The following SIPA1L1 variants were observed in gnomAD, a reference collection of about 807,000 sequenced individuals.
SIPA1L1 encodes the protein signal induced proliferation associated 1 like 1.
A neutral mutation model predicts 162.7 loss-of-function variants in SIPA1L1; 26 were observed. That is an observed-to-expected ratio of 0.16 (90% CI 0.12 to 0.22). The LOEUF is 0.22. Ranked by LOEUF, SIPA1L1 falls within the 10% of genes least tolerant of loss-of-function variation. The pLI is 1.00. For synonymous variants in SIPA1L1, 829 were observed against 837.4 expected, an observed-to-expected ratio of 0.99 and a Z score of 0.17; for missense variants, 1,874 against 2,241.0, an observed-to-expected ratio of 0.84 and a Z score of 3.31.
chr14:71,626,516 G>A lies in SIPA1L1; in HGVS notation c.1818+2280G>A, dbSNP rs146427740. Among the ~76,000 whole-genome samples, 436 of 152,214 alleles carry A rather than the reference G, an allele frequency of 2.9e-3. 4 individuals carry two copies. The Middle Eastern group carries it at 0.048, about 17-fold the overall frequency. ...GGTAGGAAATCTCATTAATGCCTTGGAATTATTTTGAGAAACTGATTATTT... is the reference window on the plus strand; with the variant it reads ...GGTAGGAAATCTCATTAATGCCTTGAAATTATTTTGAGAAACTGATTATTT... On this transcript the variant is annotated intron_variant, in intron 7 of 23. Transcript: ENST00000381232.
intron 2 of SIPA1L1, among the ~76,000 whole-genome samples, chr14:71,468,886 G>C (rs565352744): frequency 6.6e-6 from 1 of 152,092 alleles, no homozygotes; most frequent in Non-Finnish European, 1.5e-5. Context: ...TATGTTCTTT[G>C]TTCTCTTGTA....
rs1286982044 is a variant in SIPA1L1, at chr14:71,739,808, G to A, written c.*647G>A. The A allele has an allele frequency of 6.6e-6, 1 of 152,226 alleles. No homozygotes were observed. The highest frequency in any genetic ancestry group is 2.4e-5 in the African/African-American group (1 of 41,432). The allele number at this position is 152,226 out of a possible 1,614,324, so 9.4% of individuals were successfully genotyped here. On this transcript the variant is annotated 3_prime_UTR_variant, in exon 24 of 24. Coordinates refer to ENST00000381232, the MANE Select transcript of SIPA1L1 (RefSeq NM_001386936.1). ...CAGAGCAGCTCTGACAGTGCCTGCA[G>A]GCCACACCCCTTCTCAGTCCTGCAT...
At chr14:71,407,790 G>A (rs191773774) in intron 2 of SIPA1L1, among the ~76,000 whole-genome samples, 291 of 152,254 alleles carry the variant, frequency 1.9e-3, no homozygotes, top group African/African-American at 6.6e-3. Flanking sequence ...TTTGGTGTAT[G>A]GCCTTGTTTC....
At chr14:71,564,732 G>A (rs139904424) in intron 4 of SIPA1L1, among the ~76,000 whole-genome samples, 31 of 151,934 alleles carry the variant, frequency 2.0e-4, no homozygotes, top group African/African-American at 7.0e-4. Context: ...CTTGTGATCC[G>A]CCCGCCTTGG....
chr14:71,427,687 A>T (rs542106564), intron 2 of SIPA1L1, among the ~76,000 whole-genome samples: 10 of 151,786 alleles, frequency 6.6e-5, no homozygotes, highest in Non-Finnish European at 1.2e-4. Flanking sequence ...TGCATCCTCA[A>T]ATCTGCCTTT....
At chr14:71,738,161 T>TAAAAAAAAA (rs34549978) in intron 22 of SIPA1L1, 80 bp from the exon 23 acceptor site, 9 of 368,954 alleles carry the variant, frequency 2.4e-5, no homozygotes, top group African/African-American at 1.1e-4. Context: ...CTCCTCAGAG[T>TAAAAAAAAA]AAAAAAAAAA....
At chr14:71,729,562 T>G (rs1357938168) in intron 19 of SIPA1L1, among the ~76,000 whole-genome samples, 1 of 152,182 alleles carries the variant, frequency 6.6e-6, no homozygotes, top group Non-Finnish European at 1.5e-5. Flanking sequence ...GCACTGTGGC[T>G]CTCTCTTCCC....
In SIPA1L1 at chr14:71,672,493, G is replaced by C. The variant is rs1195259835; in HGVS notation, c.2975G>C (p.Ser992Thr). The C allele has an allele frequency of 1.2e-6, 2 of 1,614,124 alleles. No homozygotes were observed. Among genetic ancestry groups the C allele is most frequent in the African/African-American group, 2.7e-5 (2 of 74,952 alleles). The change falls in exon 12 of 24, where the codon AGT becomes ACT. Residue 992 changes from serine (S) to threonine (T), a missense_variant. Transcript: ENST00000381232. ...YAWQAGLRQG[S>T]RLVEICKVAV... ...TGGCAGGCAGGGCTGAGGCAGGGCA[G>C]TCGCCTGGTGGAGATCTGCAAGGTG...
At chr14:71,479,138 T>G (rs2048117739) in intron 2 of SIPA1L1, among the ~76,000 whole-genome samples, 1 of 152,158 alleles carries the variant, frequency 6.6e-6, no homozygotes, top group Non-Finnish European at 1.5e-5. Context: ...GGACGCTCAT[T>G]GCCAGTTTGG....
chr14:71,461,005 G>A (rs867360983), intron 2 of SIPA1L1, among the ~76,000 whole-genome samples: 3 of 152,216 alleles, frequency 2.0e-5, no homozygotes, highest in Admixed American at 6.5e-5. Flanking sequence ...TTTGTTAGCT[G>A]TAAAGTTAGT....
At chr14:71,331,760 A>G (rs1236637026) in intron 2 of SIPA1L1, among the ~76,000 whole-genome samples, 1 of 152,202 alleles carries the variant, frequency 6.6e-6, no homozygotes, top group East Asian at 1.9e-4. Flanking sequence ...GATTTCCTGT[A>G]TCTGCTTGTT....
At chr14:71,730,643 G>C (rs900282173) in intron 20 of SIPA1L1, among the ~76,000 whole-genome samples, 2 of 152,218 alleles carry the variant, frequency 1.3e-5, no homozygotes, top group African/African-American at 2.4e-5. Context: ...AGTTCTTAGA[G>C]AGTGGTATCC....
intron 7 of SIPA1L1, among the ~76,000 whole-genome samples, chr14:71,633,730 C>G (rs1488055894): frequency 6.6e-6 from 1 of 151,888 alleles, no homozygotes; most frequent in African/African-American, 2.4e-5. Context: ...ATGGAAGGGA[C>G]AGAGGAAAAA....
rs536093516 is a variant in SIPA1L1 at position 71,498,686 on chromosome 14, A to G, written c.-464-14057A>G. On this transcript the variant is annotated intron_variant, in intron 2 of 23. Transcript: ENST00000381232. ...CAGAATTATATGGATGCTGTTGAAC[A>G]ATCTTGAGTTTGGGTAGTTTTTGTT... Among the ~76,000 whole-genome samples, 9 of 152,294 alleles carry G rather than the reference A, an allele frequency of 5.9e-5. No individual in the cohort carries two copies. In the East Asian group the frequency reaches 1.3e-3, roughly 23 times the overall value.
chr14:71,432,995 T>C (rs773212604), intron 2 of SIPA1L1, among the ~76,000 whole-genome samples: 2 of 152,210 alleles, frequency 1.3e-5, no homozygotes, highest in Non-Finnish European at 2.9e-5. Context: ...TAAGATCTTT[T>C]GCTTAGAGTG....
intron 2 of SIPA1L1, among the ~76,000 whole-genome samples, chr14:71,393,255 A>G (rs2040909393): frequency 6.6e-6 from 1 of 152,254 alleles, no homozygotes; most frequent in Admixed American, 6.5e-5. Flanking sequence ...TCAATAAGAA[A>G]CACATCTTAG....
At chr14:71,502,255 A>AAAATATATATATATATATATAT (rs67020418) in intron 2 of SIPA1L1, among the ~76,000 whole-genome samples, 15 of 97,544 alleles carry the variant, frequency 1.5e-4, no homozygotes, top group African/African-American at 5.9e-4. Flanking sequence ...AAAAAAAAAA[A>AAAATATATATATATATATATAT]ATATATATAT....
At chr14:71,420,465 A>G (rs1211836535) in intron 2 of SIPA1L1, among the ~76,000 whole-genome samples, 2 of 152,236 alleles carry the variant, frequency 1.3e-5, no homozygotes, top group Non-Finnish European at 2.9e-5. Flanking sequence ...AACCAAAGCA[A>G]CTCATCTTTG....
chr14:71,584,185 G>T (rs958678906), intron 4 of SIPA1L1, among the ~76,000 whole-genome samples: 3 of 152,184 alleles, frequency 2.0e-5, no homozygotes, highest in Admixed American at 6.5e-5. Flanking sequence ...AAGAGAAAAT[G>T]AAGAAGCACA....
Sources: allele counts gnomAD v4.1 joint callset (sites outside exome capture counted in the v4.1 genomes callset), GRCh38; gene constraint gnomAD v4.1.1; transcripts MANE v1.5; gene names NCBI Gene and HGNC (gene_info 2026-07-23, HGNC 2026-07-21).